The following KCNMA1 variants were observed in gnomAD, a reference collection of about 807,000 sequenced individuals.
KCNMA1 encodes potassium calcium-activated channel subfamily M alpha 1, also known as Calcium-activated potassium channel subunit alpha-1.
In KCNMA1, 29 loss-of-function variants were observed where a neutral mutation model predicts 140.0. The observed-to-expected ratio is 0.21, with a 90% CI of 0.15 to 0.28. The LOEUF is 0.28. KCNMA1 is among the 10% of genes least tolerant of loss of function. The probability of loss-of-function intolerance (pLI) is 1.00; values close to 1 mark genes in which losing one functional copy is unlikely to be tolerated. For synonymous variants in KCNMA1, 612 were observed against 611.9 expected (o/e 1.00, Z 0.00); for missense variants, 880 against 1,602.2 (o/e 0.55, Z 7.70).
intron 5 of KCNMA1, among the ~76,000 whole-genome samples, chr10:77,131,961 T>C (rs1450083755): frequency 5.6e-5 from 3 of 53,302 alleles, no homozygotes; most frequent in Non-Finnish European, 1.0e-4. Flanking sequence ...CAAGACTCGG[T>C]CTCAAAAAAA....
chr10:77,581,315 CT>C (rs11392217), intron 1 of KCNMA1, among the ~76,000 whole-genome samples: 30 of 148,298 alleles, frequency 2.0e-4, no homozygotes, highest in Admixed American at 1.3e-3. Flanking sequence ...ATTCTCAACA[CT>C]TTTTTTTTTT....
intron 1 of KCNMA1, among the ~76,000 whole-genome samples, chr10:77,631,595 C>T (rs2093211400): frequency 6.6e-6 from 1 of 152,104 alleles, no homozygotes; most frequent in Admixed American, 6.5e-5. Context: ...CAATCGAATG[C>T]CAATGTAACT....
At chr10:77,066,524 T>C (rs999225587) in intron 14 of KCNMA1, among the ~76,000 whole-genome samples, 1 of 152,112 alleles carries the variant, frequency 6.6e-6, no homozygotes, top group African/African-American at 2.4e-5. Context: ...GGAGATGGGG[T>C]ATTCAAATGT....
At chr10:77,524,366 G>C (rs888014044) in intron 1 of KCNMA1, among the ~76,000 whole-genome samples, 1 of 152,214 alleles carries the variant, frequency 6.6e-6, no homozygotes, top group African/African-American at 2.4e-5. Context: ...CCCACGGTAA[G>C]AGAAGCTTTG....
chr10:77,323,441 C>T (rs1323236974), intron 2 of KCNMA1, among the ~76,000 whole-genome samples: 1 of 152,164 alleles, frequency 6.6e-6, no homozygotes, highest in African/African-American at 2.4e-5. Flanking sequence ...CAATGGTAAA[C>T]TGTGCCCTTT....
chr10:77,433,319 AT>A (rs1456995491), intron 1 of KCNMA1, among the ~76,000 whole-genome samples: 1 of 151,998 alleles, frequency 6.6e-6, no homozygotes, highest in Non-Finnish European at 1.5e-5. Context: ...CATCTGGCTA[AT>A]TTTTGTATTT....
chr10:76,894,137 A>G (rs1261260492), intron 25 of KCNMA1, among the ~76,000 whole-genome samples: 1 of 152,212 alleles, frequency 6.6e-6, no homozygotes, highest in Non-Finnish European at 1.5e-5. Context: ...CCTATAGACC[A>G]ATGGAAAATA....
At chr10:77,564,566 G>C (rs944302741) in intron 1 of KCNMA1, among the ~76,000 whole-genome samples, 3 of 152,156 alleles carry the variant, frequency 2.0e-5, no homozygotes, top group African/African-American at 7.2e-5. Flanking sequence ...CTGGGCAACA[G>C]AGCAAGACTC....
At chr10:77,057,724 A>G (rs1410430195) in intron 14 of KCNMA1, among the ~76,000 whole-genome samples, 2 of 151,926 alleles carry the variant, frequency 1.3e-5, no homozygotes, top group African/African-American at 4.8e-5. Flanking sequence ...ATGAGCAATC[A>G]ATTTTTTAAA....
chr10:77,137,739 A>T (rs778021705), intron 5 of KCNMA1, among the ~76,000 whole-genome samples: 1 of 152,116 alleles, frequency 6.6e-6, no homozygotes, highest in Admixed American at 6.5e-5. Context: ...CCTTTTCACC[A>T]TCCTTTCCTT....
At chr10:77,446,658 G>T (rs1356959446) in intron 1 of KCNMA1, among the ~76,000 whole-genome samples, 1 of 152,180 alleles carries the variant, frequency 6.6e-6, no homozygotes, top group Non-Finnish European at 1.5e-5. Flanking sequence ...AAGGCCAATG[G>T]GGGTCACTTG....
chr10:77,506,052 C>A (rs1036925125), intron 1 of KCNMA1, among the ~76,000 whole-genome samples: 1 of 152,210 alleles, frequency 6.6e-6, no homozygotes, highest in Non-Finnish European at 1.5e-5. Context: ...GAAAGACCAA[C>A]TCTTTCTCTC....
At chr10:77,345,986 C>T (rs1176387093) in intron 2 of KCNMA1, among the ~76,000 whole-genome samples, 2 of 152,242 alleles carry the variant, frequency 1.3e-5, no homozygotes, top group African/African-American at 4.8e-5. Context: ...CATTCATATA[C>T]TGACTGACCT....
At chr10:77,214,210 A>C (rs1456388664) in intron 3 of KCNMA1, among the ~76,000 whole-genome samples, 2 of 152,182 alleles carry the variant, frequency 1.3e-5, no homozygotes, top group Non-Finnish European at 2.9e-5. Flanking sequence ...TTTTTCTTGA[A>C]TTGGTTTGCT....
At chr10:76,970,350 A>C in intron 19 of KCNMA1, 1 of 377,216 alleles carries the variant, frequency 2.7e-6, no homozygotes, top group Non-Finnish European at 4.9e-6. Flanking sequence ...AAAAAAAAGA[A>C]ATCATGATTT....
chr10:77,141,871 T>C (rs1424405766), intron 5 of KCNMA1, among the ~76,000 whole-genome samples: 1 of 152,238 alleles, frequency 6.6e-6, no homozygotes, highest in Non-Finnish European at 1.5e-5. Context: ...ATAACATTTC[T>C]TCTCAATGTG....
At chr10:76,971,968 T>G (rs1055823246) in intron 19 of KCNMA1, among the ~76,000 whole-genome samples, 18 of 134,874 alleles carry the variant, frequency 1.3e-4, no homozygotes, top group African/African-American at 5.2e-4. Context: ...GCAGCGAGGG[T>G]GTGTGGGTGT....
At chr10:77,356,203 G>A (rs2093466137) in intron 2 of KCNMA1, among the ~76,000 whole-genome samples, 1 of 152,122 alleles carries the variant, frequency 6.6e-6, no homozygotes, top group South Asian at 2.1e-4. Context: ...AGGTTGCATG[G>A]CCTTTAACAA....
intron 5 of KCNMA1, among the ~76,000 whole-genome samples, chr10:77,135,765 C>A (rs60254909): frequency 0.016 from 2,430 of 152,184 alleles, 71 homozygotes; most frequent in African/African-American, 0.056. Flanking sequence ...TGATCTCACT[C>A]ATATAAAACA....
Sources: gnomAD v4.1 joint callset for allele counts (sites outside exome capture counted in the v4.1 genomes callset) on GRCh38, gnomAD v4.1.1 for gene constraint, MANE v1.5 for transcripts, NCBI Gene and HGNC (gene_info 2026-07-23, HGNC 2026-07-21) for gene names.